The following CCAR1 variants were observed in gnomAD, a reference collection of about 807,000 sequenced individuals.
CCAR1 encodes the protein cell division cycle and apoptosis regulator 1.
CCAR1 carries 78 observed loss-of-function variants against 163.8 expected under a neutral mutation model. The observed-to-expected ratio is 0.48, with a 90% confidence interval of 0.40 to 0.57. CCAR1 has a LOEUF of 0.57. Among genes scored for constraint, CCAR1 ranks in the 20% least tolerant of loss-of-function variants. The pLI is 0.00. For missense variants in CCAR1, 1,019 were observed against 1,365.2 expected (o/e 0.75, Z 4.00); for synonymous variants, 443 against 460.7 (o/e 0.96, Z 0.49).
rs568751190 is a variant in CCAR1 at position 68,759,711 on chromosome 10, C to G, written c.1921-1296C>G. Among the ~76,000 whole-genome samples the G allele has an allele frequency of 3.3e-5, 5 of 152,026 alleles. No homozygotes were observed. The East Asian group carries it at 9.6e-4, about 29-fold the overall frequency. ...AGCCATGAGCCATGGTTGTGCCACT[C>G]CAGCCTGGGTGACAGAGCAAGACCC... On this transcript the variant is annotated intron_variant, in intron 15 of 24. Coordinates refer to ENST00000265872, the MANE Select transcript of CCAR1 (RefSeq NM_018237.4).
chr10:68,758,644 C>CGT (rs1426492648), intron 15 of CCAR1, among the ~76,000 whole-genome samples: 1 of 11,950 alleles, frequency 8.4e-5, no homozygotes, highest in South Asian at 3.1e-3. Context: ...TATATACACA[C>CGT]GTGTATATAT....
intron 6 of CCAR1, among the ~76,000 whole-genome samples, chr10:68,746,380 G>A (rs1005098477): frequency 6.6e-6 from 1 of 151,960 alleles, no homozygotes; most frequent in South Asian, 2.1e-4. Context: ...GGGTACAGGC[G>A]ATTCGCACCC....
intron 1 of CCAR1, 180 bp downstream of exon 1, chr10:68,721,462 G>T: frequency 2.6e-6 from 1 of 377,460 alleles, no homozygotes; most frequent in South Asian, 1.9e-5. Context: ...GTGCGGGTCG[G>T]AGCAGGCCCG....
At chr10:68,760,460 A>T (rs2056454818) in intron 15 of CCAR1, among the ~76,000 whole-genome samples, 1 of 152,226 alleles carries the variant, frequency 6.6e-6, no homozygotes, top group Admixed American at 6.5e-5. Flanking sequence ...AAGAACATTT[A>T]AAAAAATTTT....
At chr10:68,739,882 T>A (rs1047981560) in intron 4 of CCAR1, among the ~76,000 whole-genome samples, 2 of 152,242 alleles carry the variant, frequency 1.3e-5, no homozygotes, top group Non-Finnish European at 2.9e-5. Flanking sequence ...TCATACAGAT[T>A]ATTTTACCTT....
At chr10:68,754,520 C>G (rs1039805191) in intron 11 of CCAR1, among the ~76,000 whole-genome samples, 194 bp from the exon 12 acceptor site, 1 of 152,186 alleles carries the variant, frequency 6.6e-6, no homozygotes, top group Admixed American at 6.5e-5. Flanking sequence ...GTATCTAGGC[C>G]TGGCGTGGTG....
intron 6 of CCAR1, among the ~76,000 whole-genome samples, chr10:68,744,040 T>C (rs1029783496): frequency 8.5e-5 from 13 of 152,226 alleles, no homozygotes; most frequent in Middle Eastern, 3.4e-3. Flanking sequence ...TAAGCCACTA[T>C]ACCTGGCCAG....
Position 68,775,215 on chromosome 10 carries a change from T to A in CCAR1, c.2650+2116T>A, listed in dbSNP as rs148738104. 2.2e-3 allele frequency among the ~76,000 whole-genome samples: 340 copies of A among 152,206 alleles called. 1 individual carries two copies. Among genetic ancestry groups the A allele is most frequent in the African/African-American group, 7.8e-3 (325 of 41,536 alleles). On this transcript the variant is annotated intron_variant, in intron 19 of 24. Coordinates refer to ENST00000265872, the MANE Select transcript of CCAR1 (RefSeq NM_018237.4). The stretch of plus-strand genomic sequence containing the variant: ...AAACATGCTCTGAAATAACCACAAT[T>A]CCATAATCACACCTAAGAAAATAAG...
rs536224393 is a variant in CCAR1 at position 68,732,470 on chromosome 10, C to T, written c.74-4406C>T. On this transcript the variant is annotated intron_variant, in intron 2 of 24. Coordinates refer to ENST00000265872, the MANE Select transcript of CCAR1 (RefSeq NM_018237.4). The stretch of plus-strand genomic sequence containing the variant: ...GTTCAGGCTGTTCTCCTGCCTCAGC[C>T]TCCTGAGTAGCTGGTACTACAGGTG... Among the ~76,000 whole-genome samples the T allele has an allele frequency of 1.8e-4, 28 of 152,222 alleles. No individual in the cohort carries two copies. In the East Asian group the frequency reaches 3.3e-3, roughly 18 times the overall value.
At position 68,773,019 on chromosome 10, in the gene CCAR1, A is replaced by T. The variant is rs2056622250; in HGVS notation, c.2570A>T (p.Asp857Val). 6.6e-7 allele frequency: 1 copy of T among 1,515,204 alleles called. No individual in the cohort carries two copies. Among genetic ancestry groups the T allele is most frequent in the Non-Finnish European group, 9.0e-7 (1 of 1,106,094 alleles). 93.9% of individuals were successfully genotyped at this position (1,515,204 alleles called of 1,614,324 possible). The change falls in exon 19 of 25, where the codon GAT becomes GTT. Residue 857 changes from aspartate to valine, a missense_variant. This residue lies in a region of CCAR1 where 358 missense variants were observed against 406.4 expected (regional missense o/e 0.88). Coordinates refer to ENST00000265872, the MANE Select transcript of CCAR1 (RefSeq NM_018237.4). ...GATAAAAGAAAAGATGATTCTAAAG[A>T]TGATGATGAAACTGAAGAAGATAAC... Reference protein sequence around the residue: ...KEDKRKDDSKDDDETEEDNNQ... With the variant: ...KEDKRKDDSKVDDETEEDNNQ...
In CCAR1 at chr10:68,757,353, T is replaced by C. The variant is rs1411007421; in HGVS notation, c.1896T>C (p.Ser632=). ...AKEISTPTHW[S]KLDPKTMKVN... The stretch of plus-strand genomic sequence containing the variant: ...AAATTTCTACACCTACCCATTGGTC[T>C]AAACTTGATCCAAAGACAATGAAGG... The change falls in exon 15 of 25, where the codon TCT becomes TCC. Residue 632 remains serine (S), a synonymous_variant. Transcript: ENST00000265872. 6.3e-7 allele frequency: 1 copy of C among 1,579,910 alleles called. No homozygotes were observed. The highest frequency in any genetic ancestry group is 8.7e-7 in the Non-Finnish European group (1 of 1,150,250).
chr10:68,732,245 A>G (rs896711526), intron 2 of CCAR1, among the ~76,000 whole-genome samples: 8 of 152,294 alleles, frequency 5.3e-5, no homozygotes, highest in East Asian at 1.9e-4. Context: ...TTAACATGCC[A>G]ATTCAGATTA....
intron 2 of CCAR1, among the ~76,000 whole-genome samples, chr10:68,736,393 ATG>A (rs2056110915): frequency 6.6e-6 from 1 of 152,132 alleles, no homozygotes; most frequent in African/African-American, 2.4e-5. Context: ...TACATATATA[ATG>A]TATTGTTATT....
intron 17 of CCAR1, 41 bp from the exon 18 acceptor site, chr10:68,771,165 T>G: frequency 1.3e-6 from 2 of 1,517,028 alleles, no homozygotes; most frequent in Non-Finnish European, 1.8e-6. Flanking sequence ...TTATTATTTC[T>G]GTTGAAATTT....
At chr10:68,722,732 G>A (rs2055877192) in intron 2 of CCAR1, among the ~76,000 whole-genome samples, 155 bp downstream of exon 2, 1 of 152,064 alleles carries the variant, frequency 6.6e-6, no homozygotes, top group South Asian at 2.1e-4. Context: ...AACCAGCCTG[G>A]CCAACATGGT....
chr10:68,753,405 C>T (rs909557242), intron 10 of CCAR1, among the ~76,000 whole-genome samples: 7 of 152,084 alleles, frequency 4.6e-5, no homozygotes, highest in African/African-American at 1.7e-4. Context: ...TAGGAACTTA[C>T]TATAGTAAAA....
At chr10:68,749,441 A>G (rs2056302489) in intron 9 of CCAR1, 83 bp from the exon 10 acceptor site, 13 of 1,288,408 alleles carry the variant, frequency 1.0e-5, no homozygotes, top group Non-Finnish European at 1.3e-5. Flanking sequence ...ATTCTTGCTT[A>G]TATTACCTAC....
intron 1 of CCAR1, 44 bp from the exon 2 acceptor site, chr10:68,722,411 T>G (rs760787800): frequency 1.1e-6 from 1 of 935,420 alleles, no homozygotes; most frequent in Non-Finnish European, 1.8e-6. Context: ...TTGTGATATC[T>G]GTAGCTTGGT....
At chr10:68,791,106 G>GA (rs2056847694) in intron 24 of CCAR1, 101 bp from the exon 25 acceptor site, 1 of 590,014 alleles carries the variant, frequency 1.7e-6, no homozygotes. Flanking sequence ...TTTATCACTA[G>GA]AAAAAAGTAT....
Sources: allele counts gnomAD v4.1 joint callset (sites outside exome capture counted in the v4.1 genomes callset), GRCh38; gene constraint gnomAD v4.1.1; regional missense constraint gnomAD v4.1.1; transcripts MANE v1.5; gene names NCBI Gene and HGNC (gene_info 2026-07-23, HGNC 2026-07-21).